Variants in CDH23 observed in about 807,000 individuals in gnomAD.
CDH23 encodes the protein cadherin related 23, also known as cadherin-23.
In CDH23, 189 loss-of-function variants were observed where a neutral mutation model predicts 317.1. That is an observed-to-expected ratio of 0.60 (90% CI 0.53 to 0.67). CDH23 has a LOEUF of 0.67. CDH23 is among the 30% of genes least tolerant of loss of function. The pLI, the probability that CDH23 is intolerant of heterozygous loss-of-function variation, is 0.00. For missense variants in CDH23, 4,401 were observed against 4,592.4 expected (o/e 0.96, Z 1.20); for synonymous variants, 1,839 against 1,876.8 (o/e 0.98, Z 0.52).
chr10:71,584,109 G>A (rs1858861787), intron 9 of CDH23, among the ~76,000 whole-genome samples: 7 of 152,196 alleles, frequency 4.6e-5, no homozygotes, highest in Admixed American at 3.9e-4. Context: ...CTGGTCTAAA[G>A]GAGCGTGTGT....
In CDH23 at chr10:71,626,569, G is replaced by A. The variant is rs1393846106; in HGVS notation, c.1134+9176G>A. The stretch of plus-strand genomic sequence containing the variant: ...ACATTCTTGCCACCCCAGAGAGTGG[G>A]TGCAGCTGCCCTCAACTCTCCCCAC... On this transcript the variant is annotated intron_variant, in intron 11 of 69. Coordinates refer to ENST00000224721, the MANE Select transcript of CDH23 (RefSeq NM_022124.6). Among the ~76,000 whole-genome samples the A allele has an allele frequency of 2.0e-5, 3 of 152,190 alleles. No homozygotes were observed. In the East Asian group the frequency reaches 5.8e-4, roughly 29 times the overall value.
intron 34 of CDH23, among the ~76,000 whole-genome samples, chr10:71,735,024 G>A (rs1420968904): frequency 3.3e-5 from 5 of 152,256 alleles, no homozygotes; most frequent in East Asian, 3.8e-4. Flanking sequence ...GGTCTAAAAC[G>A]AGGGTCATGC....
At chr10:71,778,933 T>C (rs1404553934) in intron 40 of CDH23, among the ~76,000 whole-genome samples, 1 of 152,150 alleles carries the variant, frequency 6.6e-6, no homozygotes, top group Non-Finnish European at 1.5e-5. Flanking sequence ...AATGTATTAC[T>C]CTTTTATTTT....
At chr10:71,412,130 G>C in intron 1 of CDH23, among the ~76,000 whole-genome samples, 1 of 152,124 alleles carries the variant, frequency 6.6e-6, no homozygotes, top group East Asian at 1.9e-4. Context: ...GTTCTAGTAG[G>C]TGTATGAATT....
intron 8 of CDH23, among the ~76,000 whole-genome samples, chr10:71,576,886 C>T (rs1240127434): frequency 6.6e-6 from 1 of 152,174 alleles, no homozygotes; most frequent in Non-Finnish European, 1.5e-5. Flanking sequence ...TCAATCAACC[C>T]ATCAATTGAT....
At chr10:71,429,458 G>A (rs1849264224) in intron 1 of CDH23, among the ~76,000 whole-genome samples, 2 of 152,204 alleles carry the variant, frequency 1.3e-5, no homozygotes. Flanking sequence ...TAAGAGGTGG[G>A]AGACCCCGCA....
chr10:71,549,357 G>A (rs528074456), intron 6 of CDH23, among the ~76,000 whole-genome samples: 4 of 152,372 alleles, frequency 2.6e-5, no homozygotes, highest in African/African-American at 9.6e-5. Context: ...CATATAGGAG[G>A]GGAGGGGGCA....
intron 25 of CDH23, 109 bp from the exon 26 acceptor site, chr10:71,706,788 C>G: frequency 1.4e-6 from 2 of 1,481,102 alleles, no homozygotes; most frequent in Non-Finnish European, 1.8e-6. Context: ...GCCCGTGACT[C>G]CCTTGGGAAT....
intron 14 of CDH23, among the ~76,000 whole-genome samples, chr10:71,661,142 G>A (rs777082526): frequency 6.6e-6 from 1 of 152,214 alleles, no homozygotes; most frequent in Middle Eastern, 3.2e-3. Context: ...ATGGGGCAGT[G>A]CAGCCCCCTC....
intron 3 of CDH23, among the ~76,000 whole-genome samples, chr10:71,504,845 G>C (rs1437710801): frequency 3.3e-5 from 5 of 152,226 alleles, no homozygotes; most frequent in African/African-American, 1.2e-4. Flanking sequence ...TGCCTGTACT[G>C]TGCCTGTTGT....
intron 17 of CDH23, among the ~76,000 whole-genome samples, chr10:71,680,014 G>A (rs1011609950): frequency 2.2e-4 from 33 of 152,194 alleles, no homozygotes; most frequent in African/African-American, 7.5e-4. Flanking sequence ...GAGACAGGGA[G>A]CAACTTGCCT....
Position 71,739,661 on chromosome 10 carries a change from C to A in CDH23, c.4377C>A (p.Ala1459=). The change falls in exon 36 of 70, where the codon GCC becomes GCA. Residue 1459 remains alanine, a synonymous_variant. Transcript: ENST00000224721. ...GSNGQVVFSL[A]SGNIAGAFEI... ...CCCCACAGGTGGTCTTCTCCCTGGC[C>A]TCTGGCAACATCGCGGGGGCCTTTG... The A allele has an allele frequency of 1.2e-6, 2 of 1,613,228 alleles. No homozygotes were observed. Among genetic ancestry groups the A allele is most frequent in the Non-Finnish European group, 1.7e-6 (2 of 1,179,570 alleles).
In CDH23 at chr10:71,791,226, G is replaced by A. The variant is rs1841241920; in HGVS notation, c.6144G>A (p.Leu2048=). ...ELLLLAEDIG[L]LNSTAHLLIT... is the part of the protein sequence containing the mutation. ...TGCTGCTGGCTGAGGACATCGGGCT[G>A]CTCAACAGCACGGCCCACCTGCTCA... The change falls in exon 47 of 70, where the codon CTG becomes CTA. Residue 2048 remains leucine, a synonymous_variant. Transcript: ENST00000224721. 1.9e-6 allele frequency: 3 copies of A among 1,613,738 alleles called. No individual in the cohort carries two copies. The highest frequency in any genetic ancestry group is 1.7e-6 in the Non-Finnish European group (2 of 1,179,774).
At chr10:71,665,211 A>G (rs905756893) in intron 14 of CDH23, among the ~76,000 whole-genome samples, 2 of 152,122 alleles carry the variant, frequency 1.3e-5, no homozygotes, top group African/African-American at 4.8e-5. Flanking sequence ...TACCAAAACC[A>G]TGACTTTCTC....
intron 1 of CDH23, among the ~76,000 whole-genome samples, chr10:71,421,827 CGTGTGT>C (rs138169723): frequency 1.3e-4 from 19 of 148,232 alleles, no homozygotes; most frequent in South Asian, 1.1e-3. Flanking sequence ...TGTGAGGAAG[CGTGTGT>C]GTGTGTGTGT....
chr10:71,423,199 A>T (rs1338753692), intron 1 of CDH23, among the ~76,000 whole-genome samples: 3 of 152,062 alleles, frequency 2.0e-5, no homozygotes, highest in Non-Finnish European at 1.5e-5. Flanking sequence ...CAGTGCATGG[A>T]GGGTTCGAAC....
intron 6 of CDH23, among the ~76,000 whole-genome samples, chr10:71,556,882 A>T (rs1856900934): frequency 6.6e-6 from 1 of 152,200 alleles, no homozygotes; most frequent in Admixed American, 6.5e-5. Context: ...TTTTTCACCT[A>T]TGAAGGATGA....
chr10:71,770,199 A>C (rs1302294537), intron 38 of CDH23, among the ~76,000 whole-genome samples: 1 of 152,232 alleles, frequency 6.6e-6, no homozygotes, highest in Non-Finnish European at 1.5e-5. Context: ...AAGCCAAGAA[A>C]TACCATAATA....
chr10:71,627,406 T>C (rs1023619855), intron 11 of CDH23, among the ~76,000 whole-genome samples: 1 of 152,076 alleles, frequency 6.6e-6, no homozygotes, highest in African/African-American at 2.4e-5. Flanking sequence ...TGAAGATTTT[T>C]CTGTCCATGG....
Sources: allele counts gnomAD v4.1 joint callset (sites outside exome capture counted in the v4.1 genomes callset), GRCh38; gene constraint gnomAD v4.1.1; transcripts MANE v1.5; gene names NCBI Gene and HGNC (gene_info 2026-07-23, HGNC 2026-07-21).